ANO10: variants seen among roughly 807,000 people sequenced by gnomAD.
ANO10 encodes the protein anoctamin-10.
ANO10 carries 77 observed loss-of-function variants against 74.7 expected under a neutral mutation model. That is an observed-to-expected ratio of 1.03 (90% CI 0.86 to 1.25). The LOEUF (loss-of-function observed/expected upper bound fraction) is 1.25. Among genes scored for constraint, ANO10 ranks in the 50% most tolerant of loss-of-function variants. The pLI is 0.00. For synonymous variants in ANO10, 279 were observed against 284.9 expected, an observed-to-expected ratio of 0.98 and a Z score of 0.21; for missense variants, 721 against 778.1, an observed-to-expected ratio of 0.93 and a Z score of 0.87.
intron 1 of ANO10, among the ~76,000 whole-genome samples, chr3:43,685,508 T>C (rs1237290943): frequency 1.3e-5 from 2 of 152,216 alleles, no homozygotes; most frequent in Non-Finnish European, 2.9e-5. Context: ...CATCTTTTTA[T>C]GTGTCTCTAT....
intron 10 of ANO10, 104 bp from the exon 11 acceptor site, chr3:43,549,952 T>A (rs773163110): frequency 6.7e-5 from 87 of 1,297,888 alleles, no homozygotes; most frequent in Non-Finnish European, 8.4e-5. Flanking sequence ...CTTACCCTAG[T>A]TCTAAACATT....
intron 1 of ANO10, among the ~76,000 whole-genome samples, chr3:43,612,744 A>G (rs902808037): frequency 2.0e-5 from 3 of 152,244 alleles, no homozygotes; most frequent in African/African-American, 7.2e-5. Context: ...AGTAGAAATC[A>G]TAATCTTGCA....
At chr3:43,369,662 A>G (rs2091537170) in intron 12 of ANO10, among the ~76,000 whole-genome samples, 1 of 150,874 alleles carries the variant, frequency 6.6e-6, no homozygotes, top group South Asian at 2.1e-4. Flanking sequence ...TTCCAAGGGC[A>G]CTCTCCCTCC....
intron 11 of ANO10, among the ~76,000 whole-genome samples, chr3:43,500,891 C>A (rs1441100333): frequency 6.7e-6 from 1 of 149,026 alleles, no homozygotes; most frequent in African/African-American, 2.4e-5. Context: ...GAATGGTGAT[C>A]AACAACAACA....
chr3:43,388,266 C>T (rs998349249), intron 12 of ANO10, among the ~76,000 whole-genome samples: 11 of 151,984 alleles, frequency 7.2e-5, no homozygotes, highest in East Asian at 3.9e-4. Flanking sequence ...GTGTGTGTGT[C>T]GGCATTGGTG....
intron 12 of ANO10, among the ~76,000 whole-genome samples, chr3:43,412,323 G>A (rs532122772): frequency 3.3e-5 from 5 of 152,234 alleles, no homozygotes; most frequent in Admixed American, 3.3e-4. Flanking sequence ...TGATATCAGA[G>A]GCAGATCAGG....
intron 11 of ANO10, among the ~76,000 whole-genome samples, chr3:43,448,855 T>C (rs964282770): frequency 2.9e-5 from 3 of 104,664 alleles, no homozygotes; most frequent in African/African-American, 8.5e-5. Flanking sequence ...ATTGTTTTCT[T>C]TCTTTCTTTC....
chr3:43,627,216 T>C (rs552238949), intron 1 of ANO10, among the ~76,000 whole-genome samples: 1 of 152,386 alleles, frequency 6.6e-6, no homozygotes, highest in African/African-American at 2.4e-5. Flanking sequence ...GTCAGTCAAA[T>C]TTCAGTACAG....
chr3:43,447,788 T>A (rs998191242), intron 11 of ANO10, among the ~76,000 whole-genome samples: 15 of 152,326 alleles, frequency 9.8e-5, no homozygotes, highest in Non-Finnish European at 1.8e-4. Context: ...CAGTTTCCCC[T>A]ATTATTAAGG....
At chr3:43,638,329 G>A (rs972019957) in intron 1 of ANO10, among the ~76,000 whole-genome samples, 1 of 152,136 alleles carries the variant, frequency 6.6e-6, no homozygotes, top group African/African-American at 2.4e-5. Context: ...AAGAAGAGAA[G>A]CTTTTTTGAG....
At chr3:43,505,350 A>C (rs191081608) in intron 11 of ANO10, among the ~76,000 whole-genome samples, 7 of 152,326 alleles carry the variant, frequency 4.6e-5, no homozygotes, top group African/African-American at 1.7e-4. Context: ...AAATTGTTTT[A>C]ATTGTCAGAA....
At chr3:43,369,285 G>C (rs1468416523) in intron 12 of ANO10, among the ~76,000 whole-genome samples, 1 of 152,264 alleles carries the variant, frequency 6.6e-6, no homozygotes. Context: ...CCCACCTGCA[G>C]TGCCTGCCTT....
chr3:43,672,605 T>C (rs562859920), intron 1 of ANO10, among the ~76,000 whole-genome samples: 16 of 152,288 alleles, frequency 1.1e-4, no homozygotes, highest in African/African-American at 3.6e-4. Flanking sequence ...TATCATACTT[T>C]AGTCTAATAA....
chr3:43,631,360 T>G (rs1010434645), intron 1 of ANO10, among the ~76,000 whole-genome samples: 1 of 152,232 alleles, frequency 6.6e-6, no homozygotes, highest in Non-Finnish European at 1.5e-5. Flanking sequence ...GTTTGAGATA[T>G]CTCCTTGTTT....
intron 4 of ANO10, among the ~76,000 whole-genome samples, chr3:43,595,416 TG>T (rs763593519): frequency 2.2e-4 from 34 of 152,172 alleles, no homozygotes; most frequent in Non-Finnish European, 3.8e-4. Context: ...TTATCCACCA[TG>T]ATCAAGTGGG....
At position 43,549,751 on chromosome 3, in the gene ANO10, G is replaced by T; in HGVS notation, c.1766C>A (p.Ala589Glu). 1.2e-6 allele frequency: 2 copies of T among 1,613,940 alleles called. No individual in the cohort carries two copies. The highest frequency in any genetic ancestry group is 1.7e-6 in the Non-Finnish European group (2 of 1,179,892). Reference protein sequence around the residue: ...QVNAVFPESKADLILIVVAVE... With the variant: ...QVNAVFPESKEDLILIVVAVE... ...TGCTACTACAATCAAAATGAGGTCTGCTTTTGATTCTGGAAAGACTGCATT... is the reference window on the plus strand; with the variant it reads ...TGCTACTACAATCAAAATGAGGTCTTCTTTTGATTCTGGAAAGACTGCATT... Residue 589 changes from alanine (A) to glutamate (E), a missense_variant, in exon 11 of 13, where the codon GCA becomes GAA. By Grantham distance (107) the Ala-to-Glu change is moderately radical (BLOSUM62 -1). Coordinates refer to ENST00000292246, the MANE Select transcript of ANO10 (RefSeq NM_018075.5).
intron 1 of ANO10, among the ~76,000 whole-genome samples, chr3:43,639,580 T>C (rs1187582354): frequency 1.3e-5 from 2 of 152,002 alleles, no homozygotes; most frequent in Non-Finnish European, 2.9e-5. Context: ...CTGGCCAACA[T>C]AGTGAAACTC....
At position 43,500,532 on chromosome 3, in the gene ANO10, G is replaced by A. The variant is rs116360233; in HGVS notation, c.1797+49188C>T. ...CACATGTTGACGATGGCAGCTCCCT[G>A]ATATCCACTGTAAAATACATTCAAT... On this transcript the variant is annotated intron_variant, in intron 11 of 12. Transcript: ENST00000292246. Among the ~76,000 whole-genome samples the A allele has an allele frequency of 4.7e-3, 723 of 152,290 alleles. 5 individuals are homozygous for A. The highest frequency in any genetic ancestry group is 0.017 in the African/African-American group (691 of 41,544).
intron 7 of ANO10, among the ~76,000 whole-genome samples, chr3:43,571,667 A>C (rs2080726443): frequency 6.7e-6 from 1 of 148,700 alleles, no homozygotes; most frequent in African/African-American, 2.5e-5. Flanking sequence ...GGGGAATATC[A>C]CACTCTGGGG....
Sources: allele counts gnomAD v4.1 joint callset (sites outside exome capture counted in the v4.1 genomes callset), GRCh38; gene constraint gnomAD v4.1.1; transcripts MANE v1.5; gene names NCBI Gene and HGNC (gene_info 2026-07-23, HGNC 2026-07-21).